Variants in RYR2 observed in about 807,000 individuals in gnomAD.
RYR2 encodes ryanodine receptor 2.
RYR2 carries 227 observed loss-of-function variants against 601.1 expected under a neutral mutation model. The observed-to-expected ratio is 0.38, with a 90% CI of 0.34 to 0.42. The LOEUF is 0.42. RYR2 is among the 10% of genes least tolerant of loss of function. The pLI is 1.00. For synonymous variants in RYR2, 2,223 were observed against 2,175.1 expected (o/e 1.02, Z -0.61); for missense variants, 4,646 against 6,156.5 (o/e 0.75, Z 8.21).
intron 1 of RYR2, among the ~76,000 whole-genome samples, chr1:237,236,327 T>C (rs1010941973): frequency 8.6e-6 from 1 of 116,322 alleles, no homozygotes; most frequent in African/African-American, 2.9e-5. Flanking sequence ...TTATTTGCAG[T>C]GTTATCATTA....
chr1:237,430,121 T>C (rs989643933), intron 12 of RYR2, among the ~76,000 whole-genome samples: 13 of 150,192 alleles, frequency 8.7e-5, no homozygotes, highest in African/African-American at 2.7e-4. Flanking sequence ...ATATATAACA[T>C]TCATATATAT....
chr1:237,606,448 C>G (rs1365222235), intron 35 of RYR2, among the ~76,000 whole-genome samples: 2 of 152,164 alleles, frequency 1.3e-5, no homozygotes, highest in Non-Finnish European at 2.9e-5. Flanking sequence ...AATGTTCGAC[C>G]TAAAACCATA....
At chr1:237,795,922 G>A (rs1383589867) in intron 96 of RYR2, among the ~76,000 whole-genome samples, 1 of 39,112 alleles carries the variant, frequency 2.6e-5, no homozygotes, top group African/African-American at 5.0e-5. Context: ...ATATGCACGC[G>A]TATGTGTGTA....
intron 24 of RYR2, 79 bp from the exon 25 acceptor site, chr1:237,530,348 C>T (rs1668019940): frequency 9.7e-7 from 1 of 1,030,202 alleles, no homozygotes; most frequent in African/African-American, 1.6e-5. Flanking sequence ...GGTTGTATCT[C>T]ATTGCTACTG....
At chr1:237,825,709 T>C (rs892041951) in intron 101 of RYR2, among the ~76,000 whole-genome samples, 5 of 152,112 alleles carry the variant, frequency 3.3e-5, no homozygotes, top group Non-Finnish European at 4.4e-5. Flanking sequence ...CAAAAGAAAC[T>C]ATCATCAGAG....
intron 1 of RYR2, among the ~76,000 whole-genome samples, chr1:237,090,711 A>G (rs779627766): frequency 6.6e-6 from 1 of 152,268 alleles, no homozygotes; most frequent in Non-Finnish European, 1.5e-5. Flanking sequence ...AAATGACTGA[A>G]TGACTGACTG....
intron 71 of RYR2, among the ~76,000 whole-genome samples, chr1:237,712,398 A>G (rs1302033445): frequency 1.3e-5 from 2 of 151,980 alleles, no homozygotes; most frequent in East Asian, 3.9e-4. Flanking sequence ...GTTGACTTGT[A>G]TATGAAAAGC....
intron 71 of RYR2, among the ~76,000 whole-genome samples, chr1:237,715,366 T>C (rs934578398): frequency 3.9e-5 from 6 of 152,188 alleles, no homozygotes; most frequent in African/African-American, 1.2e-4. Flanking sequence ...TGCTTATAGA[T>C]TTAATTTCCT....
chr1:237,721,811 T>C (rs1558287786), intron 73 of RYR2, among the ~76,000 whole-genome samples: 1 of 152,212 alleles, frequency 6.6e-6, no homozygotes, highest in Non-Finnish European at 1.5e-5. Flanking sequence ...TGAGCCACCG[T>C]GCCCGGCTGC....
chr1:237,176,004 G>A (rs1334093603), intron 1 of RYR2, among the ~76,000 whole-genome samples: 1 of 152,070 alleles, frequency 6.6e-6, no homozygotes, highest in African/African-American at 2.4e-5. Flanking sequence ...GGCAGAGGTG[G>A]GAGGATTGCT....
At chr1:237,582,707 GGCCTCTGGCT>G (rs1674061117) in intron 29 of RYR2, among the ~76,000 whole-genome samples, 1 of 151,852 alleles carries the variant, frequency 6.6e-6, no homozygotes, top group Non-Finnish European at 1.5e-5. Context: ...GCTAAGATAT[GGCCTCTGGCT>G]GCATCTATGT....
At chr1:237,529,032 C>T (rs1349411452) in intron 24 of RYR2, among the ~76,000 whole-genome samples, 1 of 151,944 alleles carries the variant, frequency 6.6e-6, no homozygotes, top group East Asian at 1.9e-4. Context: ...ACCTCATTGC[C>T]CTGAAGATAC....
intron 1 of RYR2, among the ~76,000 whole-genome samples, chr1:237,143,592 G>A (rs1673628163): frequency 6.6e-6 from 1 of 152,118 alleles, no homozygotes; most frequent in Non-Finnish European, 1.5e-5. Context: ...GAGTTCCACT[G>A]GAGTCTCCCG....
chr1:237,757,398 A>C (rs1693045911), intron 81 of RYR2, among the ~76,000 whole-genome samples: 1 of 152,188 alleles, frequency 6.6e-6, no homozygotes, highest in Non-Finnish European at 1.5e-5. Flanking sequence ...TTAATCTTGA[A>C]TCTTAATAAT....
At chr1:237,648,331 G>C in intron 48 of RYR2, 113 bp from the exon 49 acceptor site, 6 of 948,202 alleles carry the variant, frequency 6.3e-6, no homozygotes, top group Non-Finnish European at 9.0e-6. Context: ...AGAACAGAAA[G>C]CCATTTCATT....
chr1:237,162,949 A>G (rs973855049), intron 1 of RYR2, among the ~76,000 whole-genome samples: 1 of 152,110 alleles, frequency 6.6e-6, no homozygotes, highest in African/African-American at 2.4e-5. Context: ...CTTCATCTCT[A>G]CAACTGCTAC....
chr1:237,770,269 CA>C (rs1188826618), intron 84 of RYR2, among the ~76,000 whole-genome samples: 1 of 152,128 alleles, frequency 6.6e-6, no homozygotes, highest in South Asian at 2.1e-4. Context: ...AACCTGATAA[CA>C]AAGTTAATTA....
At chr1:237,743,110 G>A (rs1691758612) in intron 80 of RYR2, among the ~76,000 whole-genome samples, 1 of 151,860 alleles carries the variant, frequency 6.6e-6, no homozygotes, top group Non-Finnish European at 1.5e-5. Context: ...TTAAGTGCAG[G>A]GAAATAGAAA....
At chr1:237,736,375 T>C (rs1480123395) in intron 79 of RYR2, among the ~76,000 whole-genome samples, 1 of 150,498 alleles carries the variant, frequency 6.6e-6, no homozygotes, top group African/African-American at 2.4e-5. Context: ...GCAGGAGAAT[T>C]GCTTGAATCT....
Sources: gnomAD v4.1 joint callset for allele counts (sites outside exome capture counted in the v4.1 genomes callset) on GRCh38, gnomAD v4.1.1 for gene constraint, MANE v1.5 for transcripts, NCBI Gene and HGNC (gene_info 2026-07-23, HGNC 2026-07-21) for gene names.